PPP4R4: variants seen among roughly 807,000 people sequenced by gnomAD.
PPP4R4 encodes serine/threonine-protein phosphatase 4 regulatory subunit 4.
PPP4R4 carries 70 observed loss-of-function variants against 121.8 expected under a neutral mutation model. The observed-to-expected ratio is 0.57, with a 90% CI of 0.47 to 0.70. PPP4R4 has a LOEUF of 0.70. Among genes scored for constraint, PPP4R4 ranks in the 30% least tolerant of loss-of-function variants. The probability of loss-of-function intolerance (pLI) is 0.00; values close to 1 mark genes in which losing one functional copy is unlikely to be tolerated. For missense variants in PPP4R4, 875 were observed against 1,033.6 expected, an observed-to-expected ratio of 0.85 and a Z score of 2.10; for synonymous variants, 348 against 355.7, an observed-to-expected ratio of 0.98 and a Z score of 0.24.
Position 94,259,388 on chromosome 14 carries a change from C to T in PPP4R4, c.2127+19C>T, listed in dbSNP as rs770942504. ...GGAAATGGTATGTTGTTTTCACATG[C>T]ACACACATATACTCTTTTCTGATTA... is the stretch of plus-strand genomic sequence containing the variant. On this transcript the variant is annotated intron_variant, in intron 19 of 24. Transcript: ENST00000304338. The T allele has an allele frequency of 1.3e-6, 2 of 1,597,082 alleles. No homozygotes were observed. The highest frequency in any genetic ancestry group is 1.8e-5 in the Admixed American group (1 of 55,146).
chr14:94,222,474 T>G (rs1177420487), intron 3 of PPP4R4, among the ~76,000 whole-genome samples: 4 of 151,936 alleles, frequency 2.6e-5, no homozygotes, highest in African/African-American at 9.7e-5. Flanking sequence ...TTTATTTATA[T>G]ATTTCAGGTC....
At chr14:94,184,805 A>G (rs575272840) in intron 2 of PPP4R4, among the ~76,000 whole-genome samples, 2 of 152,318 alleles carry the variant, frequency 1.3e-5, no homozygotes, top group African/African-American at 4.8e-5. Context: ...TAATTACAAA[A>G]TCTATTATAC....
chr14:94,266,771 G>T (rs1348672861), intron 22 of PPP4R4, among the ~76,000 whole-genome samples, 188 bp from the exon 23 acceptor site: 4 of 152,094 alleles, frequency 2.6e-5, no homozygotes, highest in African/African-American at 9.7e-5. Flanking sequence ...TTAAGGAAAT[G>T]CTTTCAAGTT....
chr14:94,267,321 GT>G (rs1257020046), intron 23 of PPP4R4, among the ~76,000 whole-genome samples: 1 of 152,154 alleles, frequency 6.6e-6, no homozygotes, highest in African/African-American at 2.4e-5. Context: ...AGACAAAAAG[GT>G]TTTGCAATAA....
At chr14:94,211,216 C>T (rs1252144786) in intron 3 of PPP4R4, among the ~76,000 whole-genome samples, 1 of 152,158 alleles carries the variant, frequency 6.6e-6, no homozygotes, top group African/African-American at 2.4e-5. Flanking sequence ...GAGGAGGCTA[C>T]AGTCCAGATG....
At chr14:94,234,715 C>A in intron 7 of PPP4R4, 46 bp downstream of exon 7, 2 of 1,279,818 alleles carry the variant, frequency 1.6e-6, no homozygotes, top group South Asian at 1.2e-5. Flanking sequence ...GAAAACATGC[C>A]ATTGAAAGGC....
In PPP4R4 at chr14:94,213,595, A is replaced by G. The variant is rs151191888; in HGVS notation, c.294+5029A>G. Among the ~76,000 whole-genome samples, 145 of 152,358 alleles carry G rather than the reference A, an allele frequency of 9.5e-4. 2 individuals carry two copies. The highest frequency in any genetic ancestry group is 3.3e-3 in the African/African-American group (139 of 41,574). On this transcript the variant is annotated intron_variant, in intron 3 of 24. Transcript: ENST00000304338. ...TTATTGGGGTGGTGGTCTAAATGCC[A>G]TCACATGTGTCCTTATAAGAAGGCA...
At chr14:94,188,714 G>C (rs1889429479) in intron 2 of PPP4R4, among the ~76,000 whole-genome samples, 1 of 152,098 alleles carries the variant, frequency 6.6e-6, no homozygotes, top group African/African-American at 2.4e-5. Context: ...TTTGCTAAGA[G>C]AGTAGATCTT....
At chr14:94,256,247 A>G (rs1012391706) in intron 16 of PPP4R4, among the ~76,000 whole-genome samples, 2 of 152,164 alleles carry the variant, frequency 1.3e-5, no homozygotes, top group Non-Finnish European at 2.9e-5. Context: ...ACTAGAATGT[A>G]AGTTCCAGGA....
At chr14:94,207,648 C>G (rs1278410790) in intron 2 of PPP4R4, among the ~76,000 whole-genome samples, 1 of 151,624 alleles carries the variant, frequency 6.6e-6, no homozygotes, top group African/African-American at 2.4e-5. Context: ...GGTGGAATTT[C>G]CCTCTGAGGT....
At chr14:94,235,973 C>A (rs1566679097) in intron 7 of PPP4R4, among the ~76,000 whole-genome samples, 1 of 152,006 alleles carries the variant, frequency 6.6e-6, no homozygotes, top group Non-Finnish European at 1.5e-5. Flanking sequence ...TCATTGGTAC[C>A]TTTGTTAATT....
chr14:94,278,317 A>T (rs551652254), intron 24 of PPP4R4, among the ~76,000 whole-genome samples: 1 of 152,278 alleles, frequency 6.6e-6, no homozygotes, highest in East Asian at 1.9e-4. Flanking sequence ...AACTTCCATT[A>T]TGGTTATACA....
At chr14:94,244,043 C>G (rs143283405) in intron 11 of PPP4R4, among the ~76,000 whole-genome samples, 47 of 151,760 alleles carry the variant, frequency 3.1e-4, no homozygotes, top group Non-Finnish European at 7.4e-5. Context: ...GAAATAGAAA[C>G]TGGTAAATTC....
In PPP4R4 at chr14:94,208,544, G is replaced by A. The variant is rs201409663; in HGVS notation, c.272G>A (p.Arg91Gln). ...LMRQNPTETL[R>Q]RVLPKVREAL... ...CGACAGAATCCCACTGAGACGCTTC[G>A]GAGAGTGTTGCCAAAAGTCAGAGTA... is the stretch of plus-strand genomic sequence containing the variant. The change falls in exon 3 of 25, where the codon CGG (arginine) becomes CAG (glutamine). Residue 91 changes from arginine to glutamine, a missense_variant. By Grantham distance (43) the Arg-to-Gln change is conservative. Transcript: ENST00000304338. The A allele has an allele frequency of 3.7e-5, 60 of 1,608,874 alleles. No individual in the cohort carries two copies. Among genetic ancestry groups the A allele is most frequent in the Non-Finnish European group, 4.5e-5 (53 of 1,176,208 alleles).
intron 23 of PPP4R4, among the ~76,000 whole-genome samples, chr14:94,267,615 C>T (rs1214724366): frequency 6.6e-6 from 1 of 152,108 alleles, no homozygotes; most frequent in Non-Finnish European, 1.5e-5. Context: ...TTGCTGGCCT[C>T]TGGTTTATAT....
chr14:94,199,833 G>A (rs1443922122), intron 2 of PPP4R4, among the ~76,000 whole-genome samples: 3 of 152,114 alleles, frequency 2.0e-5, no homozygotes, highest in Non-Finnish European at 2.9e-5. Flanking sequence ...ATCTAGCTGC[G>A]TGTGTTTTCT....
chr14:94,200,911 C>T (rs556654541), intron 2 of PPP4R4, among the ~76,000 whole-genome samples: 9 of 151,624 alleles, frequency 5.9e-5, no homozygotes, highest in Non-Finnish European at 1.0e-4. Context: ...CCTTGAGGTG[C>T]GACCTCAGCT....
At position 94,278,832 on chromosome 14, in the gene PPP4R4, C is replaced by A; in HGVS notation, c.*189C>A. On this transcript the variant is annotated 3_prime_UTR_variant, in exon 25 of 25. Transcript: ENST00000304338. Reference sequence around the variant, plus strand: ...CTTTTCATATTTCAAATTAGATTCCCTAGGAGGTATAATATATATTTCTTG... The same window carrying A: ...CTTTTCATATTTCAAATTAGATTCCATAGGAGGTATAATATATATTTCTTG... 2.5e-6 allele frequency: 1 copy of A among 401,802 alleles called. No individual in the cohort carries two copies. The highest frequency in any genetic ancestry group is 4.3e-6 in the Non-Finnish European group (1 of 230,788). The allele number at this position is 401,802 out of a possible 1,614,324, so 24.9% of individuals were successfully genotyped here.
chr14:94,258,887 C>T, intron 18 of PPP4R4, 63 bp downstream of exon 18: 1 of 1,397,772 alleles, frequency 7.2e-7, no homozygotes, highest in South Asian at 1.2e-5. Flanking sequence ...AAAGACATAC[C>T]CAAGACTGGG....
Sources: allele counts gnomAD v4.1 joint callset (sites outside exome capture counted in the v4.1 genomes callset), GRCh38; gene constraint gnomAD v4.1.1; transcripts MANE v1.5; gene names NCBI Gene and HGNC (gene_info 2026-07-23, HGNC 2026-07-21).